The following GRIK1 variants were observed in gnomAD, a reference collection of about 807,000 sequenced individuals.
GRIK1 encodes the protein glutamate receptor ionotropic, kainate 1.
Under a neutral mutation model 105.7 loss-of-function variants are expected in GRIK1, and 69 were observed. The observed-to-expected ratio is 0.65, with a 90% CI of 0.54 to 0.80. The LOEUF is 0.80. Ranked by LOEUF, GRIK1 falls within the 30% of genes least tolerant of loss-of-function variation. The pLI is 0.00. For synonymous variants in GRIK1, 438 were observed against 431.3 expected (o/e 1.02, Z -0.19); for missense variants, 1,109 against 1,167.3 (o/e 0.95, Z 0.73).
At chr21:29,644,963 C>A (rs2062588388) in intron 6 of GRIK1, among the ~76,000 whole-genome samples, 1 of 152,174 alleles carries the variant, frequency 6.6e-6, no homozygotes, top group African/African-American at 2.4e-5. Context: ...CATGGGGGGA[C>A]AGGCAATATT....
At chr21:29,559,472 A>G (rs1470138470) in intron 15 of GRIK1, among the ~76,000 whole-genome samples, 1 of 152,202 alleles carries the variant, frequency 6.6e-6, no homozygotes, top group African/African-American at 2.4e-5. Context: ...CACTAGCGAT[A>G]TTAGTATTTT....
At chr21:29,767,402 C>A (rs1311988546) in intron 1 of GRIK1, among the ~76,000 whole-genome samples, 1 of 151,856 alleles carries the variant, frequency 6.6e-6, no homozygotes, top group Non-Finnish European at 1.5e-5. Context: ...ATCTAGACAG[C>A]AATTTGCTCA....
chr21:29,922,225 T>C (rs191760995), intron 1 of GRIK1, among the ~76,000 whole-genome samples: 61 of 152,312 alleles, frequency 4.0e-4, no homozygotes, highest in Middle Eastern at 3.4e-3. Context: ...AGTGAAGATA[T>C]GGTATATAAA....
At chr21:29,717,879 T>C (rs1479812868) in intron 1 of GRIK1, among the ~76,000 whole-genome samples, 1 of 152,126 alleles carries the variant, frequency 6.6e-6, no homozygotes, top group Non-Finnish European at 1.5e-5. Flanking sequence ...TCAAATCTCA[T>C]CTCGAATTTT....
intron 1 of GRIK1, among the ~76,000 whole-genome samples, chr21:29,900,256 T>C (rs1601984627): frequency 6.6e-6 from 1 of 152,026 alleles, no homozygotes; most frequent in East Asian, 1.9e-4. Flanking sequence ...AGCATCATAA[T>C]GACAGGATCA....
intron 7 of GRIK1, among the ~76,000 whole-genome samples, chr21:29,641,077 G>A (rs2062500418): frequency 6.6e-6 from 1 of 152,138 alleles, no homozygotes; most frequent in Admixed American, 6.6e-5. Context: ...ACAAGCATTT[G>A]CCTAATTCTT....
chr21:29,595,340 G>GTTTT (rs71191119), intron 9 of GRIK1, among the ~76,000 whole-genome samples: 1 of 136,976 alleles, frequency 7.3e-6, no homozygotes. Context: ...AGTGTAATAG[G>GTTTT]TTTTTTTTTT....
At chr21:29,692,903 G>T (rs554244901) in intron 2 of GRIK1, among the ~76,000 whole-genome samples, 13 of 152,176 alleles carry the variant, frequency 8.5e-5, no homozygotes, top group Non-Finnish European at 1.8e-4. Context: ...GTGCTCCTAA[G>T]AAAATAAGTT....
chr21:29,766,670 T>C (rs1479755957), intron 1 of GRIK1, among the ~76,000 whole-genome samples: 3 of 152,152 alleles, frequency 2.0e-5, no homozygotes, highest in Non-Finnish European at 2.9e-5. Flanking sequence ...TTCTCACACA[T>C]AGAGACAGCT....
chr21:29,856,827 G>T (rs1259675471), intron 1 of GRIK1, among the ~76,000 whole-genome samples: 1 of 152,282 alleles, frequency 6.6e-6, no homozygotes, highest in East Asian at 1.9e-4. Flanking sequence ...GGAGGATGGA[G>T]ACGTGGCAGA....
chr21:29,767,288 G>A lies in GRIK1; in HGVS notation c.119-73225C>T, dbSNP rs936614519. 3.3e-5 allele frequency among the ~76,000 whole-genome samples: 5 copies of A among 152,344 alleles called. No homozygotes were observed. In the East Asian group the frequency reaches 7.7e-4, roughly 23 times the overall value. On this transcript the variant is annotated intron_variant, in intron 1 of 17. Coordinates refer to ENST00000327783, the MANE Select transcript of GRIK1 (RefSeq NM_001330994.2). ...CTTTTTCTGGATATTTCCAGGATGT[G>A]TATGGATGTCGATTGTAGTAAACAG...
intron 1 of GRIK1, among the ~76,000 whole-genome samples, chr21:29,724,318 T>C (rs1467855058): frequency 6.6e-6 from 1 of 151,444 alleles, no homozygotes; most frequent in Non-Finnish European, 1.5e-5. Flanking sequence ...CCTTCCTATG[T>C]TGTAGGCGAG....
At chr21:29,629,019 T>A (rs1046433826) in intron 7 of GRIK1, among the ~76,000 whole-genome samples, 2 of 152,188 alleles carry the variant, frequency 1.3e-5, no homozygotes, top group Admixed American at 1.3e-4. Context: ...CCCTACTATA[T>A]GCAGGAAGAG....
intron 7 of GRIK1, among the ~76,000 whole-genome samples, chr21:29,637,172 C>A (rs573698011): frequency 2.0e-5 from 3 of 152,140 alleles, no homozygotes; most frequent in Non-Finnish European, 4.4e-5. Context: ...AGCACTGTGA[C>A]CCAGAAAATA....
chr21:29,620,806 G>GATATATATATCTATATATATAT (rs1568897623), intron 7 of GRIK1, among the ~76,000 whole-genome samples: 5 of 105,244 alleles, frequency 4.8e-5, no homozygotes, highest in Non-Finnish European at 8.8e-5. Context: ...TATATATATA[G>GATATATATATCTATATATATAT]ATATATATAT....
intron 16 of GRIK1, among the ~76,000 whole-genome samples, chr21:29,551,777 G>A: frequency 6.6e-6 from 1 of 151,912 alleles, no homozygotes; most frequent in East Asian, 1.9e-4. Flanking sequence ...AACTCTTTTG[G>A]TAGCATTTTT....
At chr21:29,580,090 T>G (rs557544776) in intron 13 of GRIK1, among the ~76,000 whole-genome samples, 2 of 140,672 alleles carry the variant, frequency 1.4e-5, no homozygotes, top group East Asian at 3.9e-4. Flanking sequence ...TATGTGTGTG[T>G]ATATATATGT....
At chr21:29,582,969 C>G (rs1451603632) in intron 12 of GRIK1, among the ~76,000 whole-genome samples, 1 of 152,090 alleles carries the variant, frequency 6.6e-6, no homozygotes, top group Non-Finnish European at 1.5e-5. Flanking sequence ...TGCTGTGAAT[C>G]CAGCACAAGG....
intron 1 of GRIK1, among the ~76,000 whole-genome samples, chr21:29,788,651 A>G (rs1464775654): frequency 1.3e-5 from 2 of 152,362 alleles, no homozygotes; most frequent in Middle Eastern, 3.4e-3. Context: ...ACGTTGTAAT[A>G]TATCATGAAA....
Sources: gnomAD v4.1 joint callset for allele counts (sites outside exome capture counted in the v4.1 genomes callset) on GRCh38, gnomAD v4.1.1 for gene constraint, MANE v1.5 for transcripts, NCBI Gene and HGNC (gene_info 2026-07-23, HGNC 2026-07-21) for gene names.